Variants in NBEA observed in about 807,000 individuals in gnomAD.
NBEA encodes the protein lysosomal-trafficking regulator 2.
In NBEA, 44 loss-of-function variants were observed where a neutral mutation model predicts 343.4. That is an observed-to-expected ratio of 0.13 (90% confidence interval 0.10 to 0.16). NBEA has a LOEUF of 0.16. NBEA is among the 10% of genes least tolerant of loss of function. NBEA has a pLI of 1.00. For missense variants in NBEA, 2,555 were observed against 3,631.3 expected (o/e 0.70, Z 7.62); for synonymous variants, 1,175 against 1,238.7 (o/e 0.95, Z 1.08).
chr13:35,221,857 A>G (rs1300421846), intron 33 of NBEA, among the ~76,000 whole-genome samples: 2 of 152,102 alleles, frequency 1.3e-5, no homozygotes, highest in Non-Finnish European at 2.9e-5. Context: ...AATTTCAATC[A>G]TTCAGTTGCT....
chr13:35,142,085 A>T (rs1039087531), intron 17 of NBEA, among the ~76,000 whole-genome samples, 184 bp from the exon 18 acceptor site: 2 of 152,246 alleles, frequency 1.3e-5, no homozygotes, highest in Non-Finnish European at 1.5e-5. Flanking sequence ...TTTTTAACTA[A>T]TAGTCTTGGA....
chr13:35,297,811 G>A (rs1352276104), intron 35 of NBEA, among the ~76,000 whole-genome samples: 1 of 151,786 alleles, frequency 6.6e-6, no homozygotes, highest in East Asian at 1.9e-4. Flanking sequence ...ATTAGCTAAG[G>A]TGATTTGTTA....
At chr13:35,438,026 G>A (rs2045535134) in intron 39 of NBEA, among the ~76,000 whole-genome samples, 1 of 151,990 alleles carries the variant, frequency 6.6e-6, no homozygotes, top group South Asian at 2.1e-4. Context: ...ACCTAAGACT[G>A]CAAGCACCTC....
In NBEA at chr13:35,464,048, AT is replaced by A. The variant is rs1214038028; in HGVS notation, c.6449-8345del. Among the ~76,000 whole-genome samples, 4 of 152,096 alleles carry A rather than the reference AT, an allele frequency of 2.6e-5. No individual in the cohort carries two copies. In the South Asian group the frequency reaches 8.3e-4, roughly 32 times the overall value. Reference sequence around the variant, plus strand: ...GAGGAAGACAAATGAAAAAAATTTAATTTTTTTCCAAAATATGAATTCTTCA... The same window carrying A: ...GAGGAAGACAAATGAAAAAAATTTAATTTTTTCCAAAATATGAATTCTTCA... On this transcript the variant is annotated intron_variant, in intron 40 of 58. Coordinates refer to ENST00000379939, the MANE Select transcript of NBEA (RefSeq NM_001385012.1).
intron 46 of NBEA, among the ~76,000 whole-genome samples, chr13:35,592,108 C>T (rs1245126175): frequency 6.6e-6 from 1 of 152,058 alleles, no homozygotes; most frequent in East Asian, 1.9e-4. Context: ...GAACTCCCAA[C>T]TTAAGAATTA....
At chr13:34,951,270 T>C (rs2059341874) in intron 1 of NBEA, among the ~76,000 whole-genome samples, 2 of 152,214 alleles carry the variant, frequency 1.3e-5, no homozygotes, top group Non-Finnish European at 2.9e-5. Context: ...ATCCATGTTA[T>C]GAAATAACAT....
chr13:35,557,731 C>G (rs140625269), intron 44 of NBEA, among the ~76,000 whole-genome samples: 18 of 151,942 alleles, frequency 1.2e-4, no homozygotes, highest in Admixed American at 1.2e-3. Flanking sequence ...GTGAAATACA[C>G]GTAAATAAGA....
intron 38 of NBEA, among the ~76,000 whole-genome samples, chr13:35,405,145 T>C (rs775979593): frequency 2.6e-5 from 4 of 152,182 alleles, no homozygotes; most frequent in African/African-American, 4.8e-5. Context: ...TTTGAAAACA[T>C]ATTGTTGTAG....
chr13:35,299,022 CAG>C (rs1436066263), intron 35 of NBEA, among the ~76,000 whole-genome samples: 1 of 152,002 alleles, frequency 6.6e-6, no homozygotes, highest in Non-Finnish European at 1.5e-5. Context: ...TTTCACCCTA[CAG>C]AGTGTTTTTT....
intron 35 of NBEA, among the ~76,000 whole-genome samples, chr13:35,292,371 G>A (rs1361823241): frequency 6.6e-6 from 1 of 151,990 alleles, no homozygotes; most frequent in Non-Finnish European, 1.5e-5. Context: ...GGGCAACATA[G>A]CAGTAACATA....
chr13:35,142,122 C>T (rs2068125143), intron 17 of NBEA, 147 bp from the exon 18 acceptor site: 2 of 468,208 alleles, frequency 4.3e-6, no homozygotes, highest in African/African-American at 3.9e-5. Context: ...GTGTTACAAA[C>T]TGTTGTTTCT....
chr13:35,655,837 G>A, intron 55 of NBEA, 88 bp downstream of exon 55: 1 of 1,253,584 alleles, frequency 8.0e-7, no homozygotes, highest in Non-Finnish European at 1.1e-6. Context: ...GTTTTTTCCT[G>A]AGGTGTAAGG....
rs75142729 is a variant in NBEA at position 35,621,994 on chromosome 13, A to G, written c.7450-6087A>G. Among the ~76,000 whole-genome samples the G allele has an allele frequency of 4.3e-3, 661 of 152,330 alleles. 5 individuals are homozygous for G. The highest frequency in any genetic ancestry group is 7.9e-3 in the Non-Finnish European group (535 of 68,024). ...AAAATGATTTCACAAGTAAATTTGC[A>G]TGTGTTATCTTACTCTATTAAGTAA... On this transcript the variant is annotated intron_variant, in intron 48 of 58. Coordinates refer to ENST00000379939, the MANE Select transcript of NBEA (RefSeq NM_001385012.1).
At chr13:35,292,002 G>A (rs760829989) in intron 35 of NBEA, among the ~76,000 whole-genome samples, 5 of 151,922 alleles carry the variant, frequency 3.3e-5, no homozygotes, top group Admixed American at 2.0e-4. Flanking sequence ...TTGATTAAAT[G>A]CACCTCATTT....
At chr13:35,028,857 A>G (rs1411603364) in intron 1 of NBEA, among the ~76,000 whole-genome samples, 2 of 151,158 alleles carry the variant, frequency 1.3e-5, no homozygotes, top group African/African-American at 4.9e-5. Flanking sequence ...ATTTCATGTA[A>G]TTGCAGTCAT....
chr13:34,976,499 A>G (rs190660138), intron 1 of NBEA, among the ~76,000 whole-genome samples: 1 of 152,310 alleles, frequency 6.6e-6, no homozygotes, highest in Admixed American at 6.5e-5. Context: ...GGGTGCACCA[A>G]AAACTCAGAA....
intron 34 of NBEA, among the ~76,000 whole-genome samples, chr13:35,266,959 A>G (rs2033735177): frequency 6.6e-6 from 1 of 151,986 alleles, no homozygotes; most frequent in African/African-American, 2.4e-5. Flanking sequence ...TTATATGTTA[A>G]TATGTACTGT....
chr13:35,302,296 C>A lies in NBEA; in HGVS notation c.5839-7232C>A, dbSNP rs570144222. On this transcript the variant is annotated intron_variant, in intron 35 of 58. Transcript: ENST00000379939. ...GCCTGTGTCTTATGTATCTCATACC[C>A]CAAATTGAATAAACAAAAACTTTAA... Among the ~76,000 whole-genome samples, 57 of 152,086 alleles carry A rather than the reference C, an allele frequency of 3.7e-4. No individual in the cohort carries two copies. The South Asian group carries it at 0.012, about 31-fold the overall frequency.
At chr13:35,639,503 T>C (rs890102767) in intron 49 of NBEA, among the ~76,000 whole-genome samples, 4 of 152,132 alleles carry the variant, frequency 2.6e-5, no homozygotes, top group East Asian at 1.9e-4. Flanking sequence ...GAATTGCAGG[T>C]GGAACAGAAA....
Sources: gnomAD v4.1 joint callset for allele counts (sites outside exome capture counted in the v4.1 genomes callset) on GRCh38, gnomAD v4.1.1 for gene constraint, MANE v1.5 for transcripts, NCBI Gene and HGNC (gene_info 2026-07-23, HGNC 2026-07-21) for gene names.